ATL1: variants seen among roughly 807,000 people sequenced by gnomAD.
ATL1 encodes atlastin GTPase 1, also known as atlastin-1.
A neutral mutation model predicts 75.5 loss-of-function variants in ATL1; 31 were observed. That is an observed-to-expected ratio of 0.41 (90% confidence interval 0.31 to 0.55). ATL1 has a LOEUF of 0.55. ATL1 is among the 20% of genes least tolerant of loss of function. ATL1 has a pLI of 0.27. For missense variants in ATL1, 405 were observed against 662.6 expected (o/e 0.61, Z 4.27); for synonymous variants, 226 against 233.3 (o/e 0.97, Z 0.28).
intron 1 of ATL1, 190 bp downstream of exon 1, chr14:50,560,489 C>G (rs2038824957): frequency 2.7e-6 from 2 of 737,026 alleles, no homozygotes. Context: ...GTCACCGAAT[C>G]GCGCTGTCGG....
intron 1 of ATL1, among the ~76,000 whole-genome samples, chr14:50,542,846 T>G (rs750674626): frequency 6.6e-6 from 1 of 152,198 alleles, no homozygotes; most frequent in Non-Finnish European, 1.5e-5. Flanking sequence ...GGATATAACT[T>G]TGAACAATAC....
rs571258298 is a variant in ATL1, at chr14:50,628,222, T to C, written c.1311T>C (p.Asp437=). The C allele has an allele frequency of 2.9e-5, 47 of 1,614,182 alleles. No homozygotes were observed. In the South Asian group the frequency reaches 3.8e-4, roughly 13 times the overall value. The change falls in exon 12 of 14, where the codon GAT becomes GAC. Residue 437 remains aspartate, a synonymous_variant. Coordinates refer to ENST00000358385, the MANE Select transcript of ATL1 (RefSeq NM_015915.5). ...ELYIQYIKHN[D]SKNIFHAART... ...ACATCCAATATATCAAGCACAATGA[T>C]AGCAAAAATATCTTCCATGCAGCTC...
chr14:50,564,675 A>G (rs1240448985), intron 1 of ATL1, among the ~76,000 whole-genome samples: 30 of 149,574 alleles, frequency 2.0e-4, no homozygotes, highest in South Asian at 4.2e-4. Flanking sequence ...AAAAAAAAAA[A>G]AAGAAGAAGA....
intron 1 of ATL1, among the ~76,000 whole-genome samples, chr14:50,574,284 C>CT (rs2038980889): frequency 6.6e-6 from 1 of 152,142 alleles, no homozygotes; most frequent in Non-Finnish European, 1.5e-5. Context: ...TCTATTCTTT[C>CT]TGTTAGAAGG....
chr14:50,630,846 T>G, intron 13 of ATL1: 1 of 370,408 alleles, frequency 2.7e-6, no homozygotes, highest in Non-Finnish European at 5.3e-6. Context: ...TAAGAAAAAA[T>G]ATAAGAGAAT....
At chr14:50,594,998 C>CAA (rs371065528) in intron 5 of ATL1, among the ~76,000 whole-genome samples, 20 of 86,234 alleles carry the variant, frequency 2.3e-4, no homozygotes, top group African/African-American at 5.8e-4. Flanking sequence ...GACCCTGTCT[C>CAA]AAAAAAAAAA....
chr14:50,585,443 A>G (rs904134528), intron 1 of ATL1, among the ~76,000 whole-genome samples: 6 of 152,210 alleles, frequency 3.9e-5, no homozygotes, highest in African/African-American at 1.4e-4. Context: ...TCAGATCATA[A>G]TTAAATCATA....
chr14:50,628,582 A>C, intron 12 of ATL1, 120 bp downstream of exon 12: 1 of 1,027,910 alleles, frequency 9.7e-7, no homozygotes, highest in Non-Finnish European at 1.5e-6. Context: ...AGTCATCAAG[A>C]ATGTTATGAC....
intron 5 of ATL1, 94 bp downstream of exon 5, chr14:50,593,990 C>G (rs779581469): frequency 2.3e-4 from 220 of 957,314 alleles, no homozygotes; most frequent in Non-Finnish European, 3.4e-4. Flanking sequence ...TAATCAGATT[C>G]TGATTCTGCT....
Position 50,632,406 on chromosome 14 carries a change from G to A in ATL1, c.*67G>A. The A allele has an allele frequency of 9.0e-7, 1 of 1,109,182 alleles. No homozygotes were observed. Among genetic ancestry groups the A allele is most frequent in the East Asian group, 2.5e-5 (1 of 39,494 alleles). The allele number at this position is 1,109,182 out of a possible 1,614,324, so 68.7% of individuals were successfully genotyped here. On this transcript the variant is annotated 3_prime_UTR_variant, in exon 14 of 14. Transcript: ENST00000358385. ...TAAATATTCAGTTTTATGTCTCCAT[G>A]CAAACATTCAAAGTGCTTCCATCAG...
intron 1 of ATL1, among the ~76,000 whole-genome samples, chr14:50,582,592 T>TG (rs1285625123): frequency 5.2e-4 from 4 of 7,656 alleles, no homozygotes; most frequent in Admixed American, 1.5e-3. Flanking sequence ...GTGTTGTTGT[T>TG]TTTTTTTTTT....
chr14:50,567,700 G>A lies in ATL1; in HGVS notation c.34+7401G>A, dbSNP rs1258173988. 2.0e-5 allele frequency among the ~76,000 whole-genome samples: 3 copies of A among 152,152 alleles called. No individual in the cohort carries two copies. In the South Asian group the frequency reaches 6.2e-4, roughly 32 times the overall value. On this transcript the variant is annotated intron_variant, in intron 1 of 13. Transcript: ENST00000358385. ...TGATATCTCATTGTAGTTTTGATTA[G>A]CAATTAATATTATGATTTCTCTTGT...
At chr14:50,607,562 T>C (rs1174154265) in intron 6 of ATL1, among the ~76,000 whole-genome samples, 1 of 152,012 alleles carries the variant, frequency 6.6e-6, no homozygotes, top group Non-Finnish European at 1.5e-5. Context: ...TTGTGTGGGT[T>C]GTTGATTGAA....
intron 1 of ATL1, among the ~76,000 whole-genome samples, chr14:50,573,272 T>A (rs909081765): frequency 6.6e-6 from 1 of 152,232 alleles, no homozygotes; most frequent in East Asian, 1.9e-4. Flanking sequence ...TGTTCTTGAT[T>A]TCATACTTAA....
chr14:50,620,833 G>A lies in ATL1; in HGVS notation c.990+107G>A, dbSNP rs561889406. 45 of 1,304,660 alleles carry A rather than the reference G, an allele frequency of 3.4e-5. 1 individual carries two copies. The highest frequency in any genetic ancestry group is 7.4e-5 in the African/African-American group (5 of 67,408). 80.8% of individuals were successfully genotyped at this position (1,304,660 alleles called of 1,614,324 possible). A position where few individuals can be genotyped will look rare whatever the true frequency, so the allele number is the denominator to read the frequency against. ...CCCGATAATATGGGAGCAAAGGTAC[G>A]AGGAATCTATAAAAAGGATTTTAAA... On this transcript the variant is annotated intron_variant, in intron 9 of 13. Coordinates refer to ENST00000358385, the MANE Select transcript of ATL1 (RefSeq NM_015915.5).
intron 9 of ATL1, 119 bp downstream of exon 9, chr14:50,620,845 A>G: frequency 8.1e-7 from 1 of 1,231,226 alleles, no homozygotes; most frequent in Non-Finnish European, 1.1e-6. Context: ...GGAATCTATA[A>G]AAAGGATTTT....
At chr14:50,607,378 C>T (rs2039325273) in intron 6 of ATL1, among the ~76,000 whole-genome samples, 1 of 152,032 alleles carries the variant, frequency 6.6e-6, no homozygotes, top group Non-Finnish European at 1.5e-5. Context: ...ATGTAGGCGT[C>T]AGGGGCGTGT....
chr14:50,596,157 GT>G (rs2039214772), intron 6 of ATL1, among the ~76,000 whole-genome samples: 3 of 152,054 alleles, frequency 2.0e-5, no homozygotes, highest in African/African-American at 7.2e-5. Flanking sequence ...ATAATAAAAG[GT>G]TATTTCACCA....
chr14:50,539,061 A>G (rs2038529212), intron 1 of ATL1, among the ~76,000 whole-genome samples: 1 of 152,210 alleles, frequency 6.6e-6, no homozygotes, highest in Non-Finnish European at 1.5e-5. Context: ...TGATAAAGTT[A>G]TAGGGATTAG....
Sources: gnomAD v4.1 joint callset for allele counts (sites outside exome capture counted in the v4.1 genomes callset) on GRCh38, gnomAD v4.1.1 for gene constraint, MANE v1.5 for transcripts, NCBI Gene and HGNC (gene_info 2026-07-23, HGNC 2026-07-21) for gene names.